SH3GL2: variants seen among roughly 807,000 people sequenced by gnomAD.
SH3GL2 encodes the protein SH3 domain containing GRB2 like 2, endophilin A1.
A neutral mutation model predicts 46.0 loss-of-function variants in SH3GL2; 24 were observed. That is an observed-to-expected ratio of 0.52 (90% confidence interval 0.38 to 0.73). The LOEUF (loss-of-function observed/expected upper bound fraction) is 0.73. Ranked by LOEUF, SH3GL2 falls within the 30% of genes least tolerant of loss-of-function variation. SH3GL2 has a pLI of 0.00. For missense variants in SH3GL2, 413 were observed against 424.2 expected, an observed-to-expected ratio of 0.97 and a Z score of 0.23; for synonymous variants, 196 against 147.1, an observed-to-expected ratio of 1.33 and a Z score of -2.40.
intron 1 of SH3GL2, among the ~76,000 whole-genome samples, chr9:17,588,453 C>T (rs1205114246): frequency 6.6e-6 from 1 of 152,106 alleles, no homozygotes; most frequent in Non-Finnish European, 1.5e-5. Flanking sequence ...GATATTTTCT[C>T]TGGCTGGTAG....
At chr9:17,679,586 T>C (rs1270863718) in intron 1 of SH3GL2, among the ~76,000 whole-genome samples, 1 of 152,184 alleles carries the variant, frequency 6.6e-6, no homozygotes, top group Non-Finnish European at 1.5e-5. Context: ...AGGGACAATT[T>C]GACTTCCTCT....
intron 2 of SH3GL2, among the ~76,000 whole-genome samples, 175 bp downstream of exon 2, chr9:17,747,309 T>C (rs1159094018): frequency 2.0e-5 from 3 of 152,258 alleles, no homozygotes; most frequent in Non-Finnish European, 4.4e-5. Context: ...TAAAATATTC[T>C]GTCTTCCCTT....
intron 1 of SH3GL2, among the ~76,000 whole-genome samples, chr9:17,679,135 G>C (rs1820695042): frequency 6.6e-6 from 1 of 152,038 alleles, no homozygotes; most frequent in Non-Finnish European, 1.5e-5. Context: ...GGTTCCATAT[G>C]AACTTTAAAG....
chr9:17,595,665 C>G (rs1450524916), intron 1 of SH3GL2, among the ~76,000 whole-genome samples: 1 of 152,130 alleles, frequency 6.6e-6, no homozygotes, highest in East Asian at 1.9e-4. Flanking sequence ...GGAAGTAAAT[C>G]TGTATGTCAA....
intron 1 of SH3GL2, among the ~76,000 whole-genome samples, chr9:17,660,530 A>C (rs16935862): frequency 0.024 from 3,596 of 152,258 alleles, 153 homozygotes; most frequent in African/African-American, 0.083. Context: ...ATGGTCATTA[A>C]ATATTTCCCT....
rs376280314 is a variant in SH3GL2, at chr9:17,738,641, T to TATATAGAGAG, written c.46-8424_46-8423insTATAGAGAGA. On this transcript the variant is annotated intron_variant, in intron 1 of 8. Coordinates refer to ENST00000380607, the MANE Select transcript of SH3GL2 (RefSeq NM_003026.5). ...TCATGTGATTTTATATATATATATA[T>TATATAGAGAG]AGAGAGAGAGAGAGAGAGAGAGAGA... is the stretch of plus-strand genomic sequence containing the variant. Among the ~76,000 whole-genome samples the TATATAGAGAG allele has an allele frequency of 8.6e-3, 765 of 88,852 alleles. 21 individuals carry two copies. The highest frequency in any genetic ancestry group is 0.03 in the Middle Eastern group (4 of 134). 58.3% of individuals were successfully genotyped at this position (88,852 alleles called of 152,430 possible). A position where few individuals can be genotyped will look rare whatever the true frequency, so the allele number is the denominator to read the frequency against.
At chr9:17,757,459 A>G (rs1823029873) in intron 2 of SH3GL2, among the ~76,000 whole-genome samples, 1 of 146,906 alleles carries the variant, frequency 6.8e-6, no homozygotes, top group African/African-American at 2.4e-5. Context: ...AAACAAATTT[A>G]CAAGAAAAAA....
At chr9:17,610,260 A>G (rs764045857) in intron 1 of SH3GL2, among the ~76,000 whole-genome samples, 1 of 152,206 alleles carries the variant, frequency 6.6e-6, no homozygotes, top group African/African-American at 2.4e-5. Context: ...ATTTTAATCA[A>G]TTACCCAGTT....
intron 1 of SH3GL2, among the ~76,000 whole-genome samples, chr9:17,672,372 A>G (rs1820496061): frequency 6.6e-6 from 1 of 152,150 alleles, no homozygotes; most frequent in Non-Finnish European, 1.5e-5. Flanking sequence ...GACTAAAAGA[A>G]CCATTATAGT....
At chr9:17,586,101 C>A (rs1190125374) in intron 1 of SH3GL2, among the ~76,000 whole-genome samples, 1 of 152,206 alleles carries the variant, frequency 6.6e-6, no homozygotes, top group Admixed American at 6.5e-5. Context: ...TCATGCTATA[C>A]TAAATCATTA....
intron 1 of SH3GL2, among the ~76,000 whole-genome samples, chr9:17,670,377 A>C (rs1486283771): frequency 6.6e-6 from 1 of 152,214 alleles, no homozygotes; most frequent in African/African-American, 2.4e-5. Context: ...TGCCCTCACT[A>C]TCTGCCTCAA....
chr9:17,705,096 C>G (rs12005043), intron 1 of SH3GL2, among the ~76,000 whole-genome samples: 2 of 151,796 alleles, frequency 1.3e-5, no homozygotes, highest in Admixed American at 1.3e-4. Context: ...TAAGCAGACA[C>G]TTTTCAAAAG....
intron 1 of SH3GL2, among the ~76,000 whole-genome samples, chr9:17,681,115 G>A (rs1820755508): frequency 6.6e-6 from 1 of 152,084 alleles, no homozygotes; most frequent in Non-Finnish European, 1.5e-5. Flanking sequence ...CATGCTTCTA[G>A]AAGCTTTCAA....
chr9:17,775,488 TAACTTCTG>T (rs1268208960), intron 3 of SH3GL2, among the ~76,000 whole-genome samples: 1 of 152,242 alleles, frequency 6.6e-6, no homozygotes, highest in Non-Finnish European at 1.5e-5. Context: ...ATGTAGTAGA[TAACTTCTG>T]AAATTATAGT....
chr9:17,604,302 C>T (rs781094094), intron 1 of SH3GL2, among the ~76,000 whole-genome samples: 10 of 152,274 alleles, frequency 6.6e-5, no homozygotes, highest in Admixed American at 2.0e-4. Flanking sequence ...CCACACAGAC[C>T]GTTAACTTTT....
intron 1 of SH3GL2, among the ~76,000 whole-genome samples, chr9:17,667,948 T>C (rs980437892): frequency 2.0e-5 from 3 of 152,246 alleles, no homozygotes; most frequent in Non-Finnish European, 4.4e-5. Flanking sequence ...CATTTGTATG[T>C]TTTATTTAGA....
chr9:17,771,440 C>G lies in SH3GL2; in HGVS notation c.187+9931C>G, dbSNP rs112718698. ...TAGGGCATCTCAGATGCTAACCCAG[C>G]AGTTCCTCCCTGGGCAAGGTCTTTA... is the stretch of plus-strand genomic sequence containing the variant. On this transcript the variant is annotated intron_variant, in intron 3 of 8. Transcript: ENST00000380607. Among the ~76,000 whole-genome samples, 4 of 152,294 alleles carry G rather than the reference C, an allele frequency of 2.6e-5. 1 individual carries two copies. The highest frequency in any genetic ancestry group is 9.6e-5 in the African/African-American group (4 of 41,562).
chr9:17,579,312 C>G lies in SH3GL2; in HGVS notation c.45+25C>G, dbSNP rs200192507. On this transcript the variant is annotated intron_variant, in intron 1 of 8. Coordinates refer to ENST00000380607, the MANE Select transcript of SH3GL2 (RefSeq NM_003026.5). ...GGTAAGGCGCGCGGCAGGTGCGTCC[C>G]GGGGCAGTCCGGGGCGAAGCTGCGA... The G allele has an allele frequency of 5.3e-6, 8 of 1,507,056 alleles. No individual in the cohort carries two copies. The African/African-American group carries it at 8.7e-5, about 16-fold the overall frequency. The allele number at this position is 1,507,056 out of a possible 1,614,324, so 93.4% of individuals were successfully genotyped here. A position where few individuals can be genotyped will look rare whatever the true frequency, so the allele number is the denominator to read the frequency against.
chr9:17,637,883 G>A (rs1290484196), intron 1 of SH3GL2, among the ~76,000 whole-genome samples: 5 of 152,020 alleles, frequency 3.3e-5, no homozygotes, highest in African/African-American at 9.7e-5. Context: ...TCAGCCGGGC[G>A]CGGTGGCTCA....
Sources: gnomAD v4.1 joint callset for allele counts (sites outside exome capture counted in the v4.1 genomes callset) on GRCh38, gnomAD v4.1.1 for gene constraint, MANE v1.5 for transcripts, NCBI Gene and HGNC (gene_info 2026-07-23, HGNC 2026-07-21) for gene names.